The following MARF1 variants were observed in gnomAD, a reference collection of about 807,000 sequenced individuals.
MARF1 encodes the protein limkain-b1.
A neutral mutation model predicts 168.2 loss-of-function variants in MARF1; 24 were observed. That is an observed-to-expected ratio of 0.14 (90% confidence interval 0.10 to 0.20). MARF1 has a LOEUF of 0.20. Ranked by LOEUF, MARF1 falls within the 10% of genes least tolerant of loss-of-function variation. The pLI is 1.00. For missense variants in MARF1, 1,744 were observed against 2,143.6 expected (o/e 0.81, Z 3.68); for synonymous variants, 868 against 822.4 (o/e 1.06, Z -0.95).
At chr16:15,604,540 A>G (rs1390702821) in intron 21 of MARF1, 142 bp from the exon 22 acceptor site, 4 of 628,862 alleles carry the variant, frequency 6.4e-6, no homozygotes, top group Non-Finnish European at 8.3e-6. Context: ...AAATAAAGCA[A>G]GTGGGTTTGT....
chr16:15,624,791 C>T lies in MARF1; in HGVS notation c.2248G>A (p.Ala750Thr), dbSNP rs370385036. The change falls in exon 10 of 27, where the codon GCA becomes ACA. Residue 750 changes from alanine to threonine, a missense_variant. This residue lies in a region of MARF1 where 270 missense variants were observed against 260.6 expected (regional missense o/e 1.04). Transcript: ENST00000396368. Reference protein sequence around the residue: ...VASRQVSPLLASQSWSSRSMS... With the variant: ...VASRQVSPLLTSQSWSSRSMS... Reference sequence around the variant, plus strand: ...CACCTAGAAGACCAAGACTGAGATGCGAGCAGAGGACTGACTTGCCTGGAT... The same window carrying T: ...CACCTAGAAGACCAAGACTGAGATGTGAGCAGAGGACTGACTTGCCTGGAT... 35 of 1,613,968 alleles carry T rather than the reference C, an allele frequency of 2.2e-5. No homozygotes were observed. Among genetic ancestry groups the T allele is most frequent in the African/African-American group, 5.3e-5 (4 of 74,904 alleles).
rs529696825 is a variant in MARF1 at position 15,596,400 on chromosome 16, T to C, written c.*293A>G. The C allele has an allele frequency of 5.2e-5, 12 of 232,068 alleles. No individual in the cohort carries two copies. The highest frequency in any genetic ancestry group is 1.1e-4 in the African/African-American group (5 of 44,498). 14.4% of individuals were successfully genotyped at this position (232,068 alleles called of 1,614,324 possible). A position where few individuals can be genotyped will look rare whatever the true frequency, so the allele number is the denominator to read the frequency against. On this transcript the variant is annotated 3_prime_UTR_variant, in exon 27 of 27. Coordinates refer to ENST00000396368, the MANE Select transcript of MARF1 (RefSeq NM_014647.4). ...AGTGCTTTCTTCTTTTGGAACACCA[T>C]TGTATTTCATAATAGTTACTAAAAA...
At chr16:15,604,120 A>C (rs760963901) in intron 22 of MARF1, 48 bp downstream of exon 22, 149 of 1,361,138 alleles carry the variant, frequency 1.1e-4, no homozygotes, top group Admixed American at 7.8e-4. Flanking sequence ...GGAAATGCCC[A>C]ATCGATAGTT....
intron 5 of MARF1, among the ~76,000 whole-genome samples, chr16:15,632,720 A>G (rs1175719391): frequency 6.6e-6 from 1 of 152,224 alleles, no homozygotes; most frequent in South Asian, 2.1e-4. Flanking sequence ...TGGTTTTTGT[A>G]AAGAACATGG....
At chr16:15,634,297 G>A (rs2035444519) in intron 4 of MARF1, among the ~76,000 whole-genome samples, 2 of 152,198 alleles carry the variant, frequency 1.3e-5, no homozygotes, top group South Asian at 4.1e-4. Flanking sequence ...AGTTAACGCT[G>A]CATTAACATC....
Position 15,634,841 on chromosome 16 carries a change from A to G in MARF1, c.922T>C (p.Cys308Arg), listed in dbSNP as rs1357594631. Reference sequence around the variant, plus strand: ...GTTCCTTTGGTTCCACAGCCATTACACAGAGGGACAGCAAGAGGTGCAGGT... The same window carrying G: ...GTTCCTTTGGTTCCACAGCCATTACGCAGAGGGACAGCAAGAGGTGCAGGT... Reference protein sequence around the residue: ...TQPAPLAVPLCNGCGTKGTGK... With the variant: ...TQPAPLAVPLRNGCGTKGTGK... Residue 308 changes from cysteine to arginine, a missense_variant, in exon 4 of 27, where the codon TGT (cysteine) becomes CGT (arginine). Transcript: ENST00000396368. 1 of 1,614,122 alleles carries G rather than the reference A, an allele frequency of 6.2e-7. No individual in the cohort carries two copies. The highest frequency in any genetic ancestry group is 2.2e-5 in the East Asian group (1 of 44,890).
At chr16:15,631,343 T>C in intron 6 of MARF1, 38 bp downstream of exon 6, 1 of 1,376,656 alleles carries the variant, frequency 7.3e-7, no homozygotes, top group Non-Finnish European at 1.0e-6. Context: ...TCCCACACAG[T>C]GAGTTTAGCT....
intron 1 of MARF1, among the ~76,000 whole-genome samples, chr16:15,642,291 A>C (rs1474641967): frequency 6.6e-6 from 1 of 152,080 alleles, no homozygotes; most frequent in Non-Finnish European, 1.5e-5. Context: ...TTAGGCTATA[A>C]ACTCCATGAC....
Position 15,602,175 on chromosome 16 carries a change from C to T in MARF1, c.4442G>A (p.Cys1481Tyr). 1.9e-6 allele frequency: 3 copies of T among 1,614,138 alleles called. No homozygotes were observed. Among genetic ancestry groups the T allele is most frequent in the Non-Finnish European group, 8.5e-7 (1 of 1,179,964 alleles). ...EVFTNDKMEE[C>Y]VKLTSLYLFA... Reference sequence around the variant, plus strand: ...CAAATACAGACTTGTGAGCTTCACACATTCTTCCATCTTATCATTAGTGAA... The same window carrying T: ...CAAATACAGACTTGTGAGCTTCACATATTCTTCCATCTTATCATTAGTGAA... The change falls in exon 23 of 27, where the codon TGT becomes TAT. Residue 1481 changes from cysteine (C) to tyrosine (Y), a missense_variant. Coordinates refer to ENST00000396368, the MANE Select transcript of MARF1 (RefSeq NM_014647.4).
At chr16:15,631,045 A>G (rs2035217788) in intron 6 of MARF1, among the ~76,000 whole-genome samples, 1 of 152,124 alleles carries the variant, frequency 6.6e-6, no homozygotes, top group African/African-American at 2.4e-5. Context: ...CAGAAGAATC[A>G]CTTCAACCTG....
intron 16 of MARF1, 63 bp downstream of exon 16, chr16:15,615,767 A>G (rs2033996171): frequency 4.8e-6 from 6 of 1,250,626 alleles, no homozygotes; most frequent in East Asian, 2.8e-5. Flanking sequence ...ATAAAAGCCA[A>G]TAGCCTCCTC....
chr16:15,631,506 A>C lies in MARF1; in HGVS notation c.1234-8T>G. On this transcript the variant is annotated splice_region_variant and splice_polypyrimidine_tract_variant and intron_variant, in intron 5 of 26. Transcript: ENST00000396368. Reference sequence around the variant, plus strand: ...GATGTGGGCAACGGTTACCTGCATTAATTTATAATAAGGGTGAATAAGCAG... The same window carrying C: ...GATGTGGGCAACGGTTACCTGCATTCATTTATAATAAGGGTGAATAAGCAG... The C allele has an allele frequency of 1.3e-6, 2 of 1,585,538 alleles. No homozygotes were observed. Among genetic ancestry groups the C allele is most frequent in the Non-Finnish European group, 1.7e-6 (2 of 1,155,208 alleles).
intron 15 of MARF1, chr16:15,616,752 C>CT (rs1353497819): frequency 7.1e-6 from 2 of 283,512 alleles, no homozygotes; most frequent in African/African-American, 4.4e-5. Flanking sequence ...TCTGGACAGC[C>CT]TGTTACTGTA....
chr16:15,597,654 G>A (rs1567521187), intron 26 of MARF1, among the ~76,000 whole-genome samples: 2 of 152,192 alleles, frequency 1.3e-5, no homozygotes, highest in Non-Finnish European at 2.9e-5. Context: ...GTGGCAGAGG[G>A]GACAGCAGAG....
In MARF1 at chr16:15,633,478, C is replaced by T. The variant is rs2035384833; in HGVS notation, c.1233+139G>A. The T allele has an allele frequency of 9.7e-6, 6 of 619,400 alleles. No individual in the cohort carries two copies. In the East Asian group the frequency reaches 1.2e-4, roughly 12 times the overall value. 38.4% of individuals were successfully genotyped at this position (619,400 alleles called of 1,614,324 possible). A position where few individuals can be genotyped will look rare whatever the true frequency, so the allele number is the denominator to read the frequency against. ...GGAGGATCACTGGGGTCCCAGGGTT[C>T]GAGGCTGCAGGGAGCCATGAATGCG... On this transcript the variant is annotated intron_variant, in intron 5 of 26. Transcript: ENST00000396368.
intron 11 of MARF1, among the ~76,000 whole-genome samples, chr16:15,622,485 G>A (rs372959449): frequency 6.6e-6 from 1 of 151,644 alleles, no homozygotes; most frequent in Non-Finnish European, 1.5e-5. Context: ...TCTGCCTCCC[G>A]TGTTTAAGCA....
chr16:15,605,908 T>A (rs917812304), intron 21 of MARF1: 1 of 152,096 alleles, frequency 6.6e-6, no homozygotes, highest in African/African-American at 2.4e-5. Flanking sequence ...ACCCCTTTCA[T>A]CATCCTGGGC....
At position 15,622,927 on chromosome 16, in the gene MARF1, A is replaced by G; in HGVS notation, c.2460+7T>C. ...TAACAAAGCAAGCACAAGAGGGAAA[A>G]AGTTACCTTGCCATGCCTGGCAAAT... is the stretch of plus-strand genomic sequence containing the variant. On this transcript the variant is annotated splice_region_variant and intron_variant, in intron 11 of 26. Transcript: ENST00000396368. 1.9e-6 allele frequency: 3 copies of G among 1,562,394 alleles called. No homozygotes were observed. Among genetic ancestry groups the G allele is most frequent in the Non-Finnish European group, 2.6e-6 (3 of 1,144,410 alleles).
At chr16:15,621,438 C>G in intron 12 of MARF1, 1 of 376,542 alleles carries the variant, frequency 2.7e-6, no homozygotes, top group Non-Finnish European at 4.8e-6. Context: ...TTAGACTTTT[C>G]AGGCTTATAA....
Sources: allele counts gnomAD v4.1 joint callset (sites outside exome capture counted in the v4.1 genomes callset), GRCh38; gene constraint gnomAD v4.1.1; regional missense constraint gnomAD v4.1.1; transcripts MANE v1.5; gene names NCBI Gene and HGNC (gene_info 2026-07-23, HGNC 2026-07-21).